The following AFG2A variants were observed in gnomAD, a reference collection of about 807,000 sequenced individuals.
The protein encoded by AFG2A is AAA ATPase AFG2A, also known as ATPase family gene 2 protein homolog A.
the AFG2A span, among the ~76,000 whole-genome samples, chr4:123,019,461 T>C: frequency 6.6e-6 from 1 of 152,172 alleles, no homozygotes; most frequent in Non-Finnish European, 1.5e-5. Flanking sequence ...TTAACAAGGA[T>C]TACTTTTAGG....
chr4:123,231,409 CCT>C, the AFG2A span, among the ~76,000 whole-genome samples: 1 of 152,028 alleles, frequency 6.6e-6, no homozygotes, highest in Non-Finnish European at 1.5e-5. Context: ...AGCTTCTTCA[CCT>C]CTCTCAGCCT....
the AFG2A span, among the ~76,000 whole-genome samples, chr4:123,198,067 A>G: frequency 6.6e-6 from 1 of 151,990 alleles, no homozygotes; most frequent in East Asian, 1.9e-4. Context: ...TCAGGAGTTC[A>G]AGACCAGCCT....
the AFG2A span, among the ~76,000 whole-genome samples, chr4:122,929,655 C>T: frequency 2.6e-5 from 4 of 151,782 alleles, no homozygotes; most frequent in South Asian, 2.1e-4. Flanking sequence ...GCTGGGATCG[C>T]GCCACTGCAC....
chr4:123,280,346 A>G, the AFG2A span, among the ~76,000 whole-genome samples: 110,696 of 152,102 alleles, frequency 0.73, 41,365 homozygotes, highest in Non-Finnish European at 0.81. Flanking sequence ...GTGTACTACC[A>G]CCATTTTAAT....
the AFG2A span, among the ~76,000 whole-genome samples, chr4:122,961,393 T>G: frequency 6.6e-6 from 1 of 152,272 alleles, no homozygotes; most frequent in Non-Finnish European, 1.5e-5. Context: ...GGCAGAATCC[T>G]TTGCTTTGCT....
the AFG2A span, among the ~76,000 whole-genome samples, chr4:123,258,041 T>C: frequency 6.6e-6 from 1 of 152,240 alleles, no homozygotes; most frequent in Non-Finnish European, 1.5e-5. Flanking sequence ...CTGAAAATCG[T>C]CACAGGAAAA....
chr4:122,942,613 T>A, the AFG2A span, among the ~76,000 whole-genome samples: 3 of 152,082 alleles, frequency 2.0e-5, no homozygotes, highest in Non-Finnish European at 2.9e-5. Flanking sequence ...TTTTGAAGGG[T>A]TTTTTTATGT....
chr4:123,029,554 A>T, the AFG2A span, among the ~76,000 whole-genome samples: 1 of 152,196 alleles, frequency 6.6e-6, no homozygotes, highest in African/African-American at 2.4e-5. Context: ...TCTGGAAGAT[A>T]TTGGAGAGTA....
At chr4:123,026,610 A>T in the AFG2A span, among the ~76,000 whole-genome samples, 3 of 152,216 alleles carry the variant, frequency 2.0e-5, no homozygotes, top group African/African-American at 4.8e-5. Flanking sequence ...GTGGTTTTTT[A>T]AATTTGTACT....
chr4:122,934,319 C>T, the AFG2A span: 2 of 1,614,086 alleles, frequency 1.2e-6, no homozygotes, highest in South Asian at 1.1e-5. Context: ...CTGGAGGATA[C>T]CCAGATCCCA....
At chr4:123,155,170 G>T in the AFG2A span, among the ~76,000 whole-genome samples, 2 of 151,880 alleles carry the variant, frequency 1.3e-5, no homozygotes, top group Non-Finnish European at 1.5e-5. Context: ...CTGCAGCCTC[G>T]AACTCCTGGG....
At chr4:123,241,818 A>G in the AFG2A span, among the ~76,000 whole-genome samples, 2 of 152,328 alleles carry the variant, frequency 1.3e-5, no homozygotes, top group Admixed American at 6.5e-5. Context: ...AGGTTATTCA[A>G]TTTAGAAAAG....
chr4:123,133,210 G>C, the AFG2A span, among the ~76,000 whole-genome samples: 1 of 152,338 alleles, frequency 6.6e-6, no homozygotes, highest in African/African-American at 2.4e-5. Flanking sequence ...GGGACCACAG[G>C]CATATCCAAA....
chr4:123,051,136 A>AT, the AFG2A span, among the ~76,000 whole-genome samples: 959 of 147,030 alleles, frequency 6.5e-3, 10 homozygotes, highest in African/African-American at 0.02. Context: ...ATTTCGATAC[A>AT]TTTTTTTTTT....
the AFG2A span, among the ~76,000 whole-genome samples, chr4:123,020,293 T>C: frequency 2.3e-4 from 35 of 152,172 alleles, no homozygotes; most frequent in South Asian, 6.2e-3. Flanking sequence ...AAAATTATTA[T>C]GGATAATATA....
At chr4:123,258,930 G>A in the AFG2A span, among the ~76,000 whole-genome samples, 8 of 142,938 alleles carry the variant, frequency 5.6e-5, no homozygotes, top group African/African-American at 2.1e-4. Context: ...GCAGTGGCAC[G>A]ATCTTGGCTC....
chr4:123,156,059 G>A, the AFG2A span, among the ~76,000 whole-genome samples: 14 of 152,088 alleles, frequency 9.2e-5, no homozygotes, highest in East Asian at 3.9e-4. Context: ...TTTTACTTAC[G>A]GTAGAAGGCA....
the AFG2A span, among the ~76,000 whole-genome samples, chr4:123,073,500 G>A: frequency 3.6e-4 from 55 of 152,076 alleles, no homozygotes; most frequent in African/African-American, 1.2e-3. Flanking sequence ...GTATTTATGC[G>A]GTGAAAATGT....
At chr4:123,105,817 G>A in the AFG2A span, among the ~76,000 whole-genome samples, 827 of 152,304 alleles carry the variant, frequency 5.4e-3, 9 homozygotes, top group African/African-American at 0.019. Flanking sequence ...TATTTCTTAT[G>A]GCTGAGCAAA....
Sources: gnomAD v4.1 joint callset for allele counts (sites outside exome capture counted in the v4.1 genomes callset) on GRCh38, gnomAD v4.1.1 for gene constraint, MANE v1.5 for transcripts, NCBI Gene and HGNC (gene_info 2026-07-23, HGNC 2026-07-21) for gene names.